The following SCART1 variants were observed in gnomAD, a reference collection of about 807,000 sequenced individuals.
SCART1 encodes the protein scavenger receptor cysteine-rich domain-containing protein SCART1.
SCART1 carries 62 observed loss-of-function variants against 36.2 expected under a neutral mutation model. The ratio of observed to expected loss-of-function variants is 1.71; its 90% CI spans 1.40 to 2.12. The LOEUF is 2.12. SCART1 is among the 30% of genes most tolerant of loss of function. SCART1 has a pLI of 0.00. For missense variants in SCART1, 1,041 were observed against 540.5 expected, an observed-to-expected ratio of 1.93 and a Z score of -9.18; for synonymous variants, 487 against 238.7, an observed-to-expected ratio of 2.04 and a Z score of -9.59.
At chr10:133,463,674 A>G (rs2133557070) in intron 6 of SCART1, among the ~76,000 whole-genome samples, 2 of 152,108 alleles carry the variant, frequency 1.3e-5, no homozygotes, top group African/African-American at 4.8e-5. Context: ...GCATCTATGT[A>G]CCACATTTCT....
rs78992124 is a variant in SCART1 at position 133,459,035 on chromosome 10, A to C, written c.994A>C (p.Asn332His). ...CTCTCCCCCAGAGTTCAGGATGGTC[A>C]ACGGCAGCAGCAGCTGTGAGGGCCG... The change falls in exon 5 of 12, where the codon AAC (asparagine) becomes CAC (histidine). Residue 332 changes from asparagine (N) to histidine (H), a missense_variant. By Grantham distance (68) the Asn-to-His change is moderately conservative. Coordinates refer to ENST00000640237, the Ensembl canonical transcript of SCART1. 10 of 692,276 alleles carry C rather than the reference A, an allele frequency of 1.4e-5. No homozygotes were observed. In the African/African-American group the frequency reaches 1.6e-4, roughly 11 times the overall value. 42.9% of individuals were successfully genotyped at this position (692,276 alleles called of 1,614,324 possible). A position where few individuals can be genotyped will look rare whatever the true frequency, so the allele number is the denominator to read the frequency against.
chr10:133,467,337 G>A (rs755107943), exon 11 of SCART1: 1 of 702,082 alleles, frequency 1.4e-6, no homozygotes. Flanking sequence ...TGGTGAAGGT[G>A]GACACAGAAG....
At chr10:133,459,512 G>T (rs1003052140) in exon 6 of SCART1, 2 of 663,254 alleles carry the variant, frequency 3.0e-6, no homozygotes, top group Non-Finnish European at 5.4e-6. Context: ...TGCGACTGAG[G>T]GAAGGACAGA....
At chr10:133,457,770 G>T in intron 3 of SCART1, 195 bp downstream of exon 3, 1 of 557,872 alleles carries the variant, frequency 1.8e-6, no homozygotes, top group African/African-American at 1.9e-5. Context: ...GTTTCTGGTG[G>T]CCCCACAGAG....
At chr10:133,465,977 C>T (rs1464941713) in intron 9 of SCART1, 1 of 668,838 alleles carries the variant, frequency 1.5e-6, no homozygotes, top group Non-Finnish European at 2.7e-6. Context: ...CCTCTTGTGA[C>T]TTGCCCTGGC....
At chr10:133,464,987 T>A in intron 7 of SCART1, 76 bp downstream of exon 7, 1 of 701,466 alleles carries the variant, frequency 1.4e-6, no homozygotes, top group Non-Finnish European at 2.6e-6. Flanking sequence ...TCCTGACAGG[T>A]CACTTACAGG....
At chr10:133,461,916 A>G (rs1340575184) in intron 6 of SCART1, among the ~76,000 whole-genome samples, 1 of 152,168 alleles carries the variant, frequency 6.6e-6, no homozygotes, top group East Asian at 1.9e-4. Context: ...TTTTCTGTGA[A>G]GCTTCATTCT....
In SCART1 at chr10:133,463,706, A is replaced by T. The variant is rs547340889; in HGVS notation, c.1970-900A>T. ...TTCTGTTTTCTTTTTTTAAATTGAC[A>T]ATCTTTGTACATCTCTATGGGGTTC... On this transcript the variant is annotated intron_variant, in intron 6 of 11. Transcript: ENST00000640237. 1.4e-4 allele frequency among the ~76,000 whole-genome samples: 22 copies of T among 152,088 alleles called. No homozygotes were observed. The South Asian group carries it at 2.9e-3, about 20-fold the overall frequency.
chr10:133,465,600 C>A (rs1341736100), intron 9 of SCART1, 35 bp downstream of exon 9: 3 of 575,034 alleles, frequency 5.2e-6, no homozygotes. Flanking sequence ...GGTCATGGGG[C>A]CGGCAGAGGG....
At chr10:133,459,987 C>A in exon 6 of SCART1, 1 of 541,358 alleles carries the variant, frequency 1.8e-6, no homozygotes, top group Non-Finnish European at 3.2e-6. Context: ...GGTCTGCAGG[C>A]AGCTGGGCTG....
Position 133,465,761 on chromosome 10 carries a change from C to T in SCART1, c.2659+196C>T, listed in dbSNP as rs183972737. 1.5e-3 allele frequency: 1,008 copies of T among 672,274 alleles called. 4 individuals carry two copies. The highest frequency in any genetic ancestry group is 2.4e-3 in the Non-Finnish European group (883 of 369,196). The allele number at this position is 672,274 out of a possible 1,614,324, so 41.6% of individuals were successfully genotyped here. A position where few individuals can be genotyped will look rare whatever the true frequency, so the allele number is the denominator to read the frequency against. On this transcript the variant is annotated intron_variant, in intron 9 of 11. Transcript: ENST00000640237. ...GGACATGCACTCCCTGGGGTTTCCC[C>T]CTAATCTTTTTTGGGAATTCCCTTT...
chr10:133,456,661 C>A, intron 2 of SCART1, 107 bp downstream of exon 2: 1 of 586,878 alleles, frequency 1.7e-6, no homozygotes, highest in South Asian at 2.1e-5. Context: ...TGGCGGGTCT[C>A]GGAGACGGGC....
chr10:133,457,086 A>G (rs992783772), intron 2 of SCART1, 193 bp from the exon 3 acceptor site: 12 of 582,918 alleles, frequency 2.1e-5, no homozygotes, highest in Non-Finnish European at 3.0e-6. Context: ...TTGTTTCAGG[A>G]GACCAGCAGC....
chr10:133,460,524 A>ATTT (rs1589935209), intron 6 of SCART1, among the ~76,000 whole-genome samples: 1 of 32,670 alleles, frequency 3.1e-5, no homozygotes, highest in South Asian at 1.5e-3. Context: ...TATTTATTTA[A>ATTT]ATATTTATTT....
Position 133,459,734 on chromosome 10 carries a change from TCAGTG to T in SCART1, c.1536_1540del (p.Cys513ArgfsTer22), listed in dbSNP as rs1263581997. ...GTCTGGGCACCGAAACCCGCCTGAC[TCAGTG>T]CAACGTGTCCGCGACCCTGCAGGAG... is the stretch of plus-strand genomic sequence containing the variant. On this transcript the variant is annotated frameshift_variant, in exon 6 of 12. Transcript: ENST00000640237. LOFTEE classifies it high-confidence loss of function. The T allele has an allele frequency of 1.0e-5, 7 of 699,548 alleles. No homozygotes were observed. The highest frequency in any genetic ancestry group is 6.0e-5 in the Admixed American group (3 of 49,830). 43.3% of individuals were successfully genotyped at this position (699,548 alleles called of 1,614,324 possible).
At chr10:133,461,837 C>G (rs1427898196) in intron 6 of SCART1, among the ~76,000 whole-genome samples, 1 of 152,336 alleles carries the variant, frequency 6.6e-6, no homozygotes, top group East Asian at 1.9e-4. Context: ...TTAGCCCTTC[C>G]TCTGCATCTT....
chr10:133,458,179 G>T (rs755232661), intron 3 of SCART1, 181 bp from the exon 4 acceptor site: 4 of 699,496 alleles, frequency 5.7e-6, no homozygotes, highest in Admixed American at 2.0e-5. Flanking sequence ...AAGGACGTCT[G>T]CTCTGCTCTG....
intron 6 of SCART1, among the ~76,000 whole-genome samples, chr10:133,461,205 G>C (rs1000263474): frequency 1.3e-5 from 2 of 152,088 alleles, no homozygotes; most frequent in South Asian, 4.1e-4. Flanking sequence ...CTGTGAGTGG[G>C]TCACGGGCTG....
intron 1 of SCART1, among the ~76,000 whole-genome samples, chr10:133,455,177 G>A (rs1334792683): frequency 6.6e-6 from 1 of 152,184 alleles, no homozygotes; most frequent in Non-Finnish European, 1.5e-5. Context: ...TGAGGCACGA[G>A]AATCAGTTCA....
Sources: allele counts gnomAD v4.1 joint callset (sites outside exome capture counted in the v4.1 genomes callset), GRCh38; gene constraint gnomAD v4.1.1; transcripts MANE v1.5; gene names NCBI Gene and HGNC (gene_info 2026-07-23, HGNC 2026-07-21).